Variants in ARMH3 observed in about 807,000 individuals in gnomAD.
ARMH3 encodes armadillo-like helical domain-containing protein 3.
A neutral mutation model predicts 99.1 loss-of-function variants in ARMH3; 60 were observed. The observed-to-expected ratio is 0.61, with a 90% CI of 0.49 to 0.75. The LOEUF is 0.75. Ranked by LOEUF, ARMH3 falls within the 30% of genes least tolerant of loss-of-function variation. ARMH3 has a pLI of 0.00. For synonymous variants in ARMH3, 285 were observed against 292.8 expected (o/e 0.97, Z 0.27); for missense variants, 679 against 843.1 (o/e 0.81, Z 2.41).
intron 24 of ARMH3, among the ~76,000 whole-genome samples, chr10:101,858,349 CTGTT>C (rs2066781741): frequency 6.6e-6 from 1 of 152,174 alleles, no homozygotes; most frequent in South Asian, 2.1e-4. Context: ...CTGGGTAAGC[CTGTT>C]TGTTCATCTT....
intron 23 of ARMH3, among the ~76,000 whole-genome samples, chr10:101,916,047 G>GC (rs1167293271): frequency 1.3e-5 from 2 of 152,014 alleles, no homozygotes; most frequent in Non-Finnish European, 2.9e-5. Context: ...CTCGTGATCC[G>GC]CCCGCCCCGG....
intron 15 of ARMH3, among the ~76,000 whole-genome samples, chr10:101,995,989 A>G (rs1847037612): frequency 6.6e-6 from 1 of 152,258 alleles, no homozygotes; most frequent in South Asian, 2.1e-4. Flanking sequence ...GCACTGAATA[A>G]AACAGACAAA....
chr10:102,048,950 A>G (rs905090882), intron 1 of ARMH3, among the ~76,000 whole-genome samples: 4 of 152,074 alleles, frequency 2.6e-5, no homozygotes, highest in African/African-American at 4.8e-5. Flanking sequence ...CAGTTTTTCT[A>G]TCTCCAAGCC....
At chr10:101,876,121 C>T (rs12257791) in intron 24 of ARMH3, among the ~76,000 whole-genome samples, 34,861 of 151,650 alleles carry the variant, frequency 0.23, 4,373 homozygotes, top group Non-Finnish European at 0.29. Flanking sequence ...TGGTGGCACG[C>T]GCCTGTAGTC....
chr10:101,948,820 C>G (rs187845333), intron 22 of ARMH3, among the ~76,000 whole-genome samples: 3 of 151,794 alleles, frequency 2.0e-5, no homozygotes, highest in Admixed American at 2.0e-4. Flanking sequence ...GACCATTTAC[C>G]AAGATAGACC....
chr10:102,044,429 G>T (rs945736095), intron 1 of ARMH3, among the ~76,000 whole-genome samples: 11 of 149,370 alleles, frequency 7.4e-5, no homozygotes, highest in Non-Finnish European at 8.9e-5. Context: ...TGGATGCAGT[G>T]ACATGATCTC....
intron 2 of ARMH3, among the ~76,000 whole-genome samples, chr10:102,037,056 T>C (rs2067295261): frequency 6.6e-6 from 1 of 150,440 alleles, no homozygotes; most frequent in African/African-American, 2.4e-5. Flanking sequence ...CACCTCAAAA[T>C]AAATAAATAA....
chr10:101,949,695 T>G (rs1280913888), intron 22 of ARMH3, among the ~76,000 whole-genome samples: 1 of 152,012 alleles, frequency 6.6e-6, no homozygotes, highest in African/African-American at 2.4e-5. Flanking sequence ...AGATGAGCAA[T>G]GAGAGAACAC....
chr10:101,967,737 G>C (rs143327501), intron 20 of ARMH3, among the ~76,000 whole-genome samples: 2 of 152,050 alleles, frequency 1.3e-5, no homozygotes, highest in African/African-American at 2.4e-5. Flanking sequence ...ACTCAGTCGT[G>C]GGGGGAGCAG....
intron 23 of ARMH3, among the ~76,000 whole-genome samples, chr10:101,895,505 T>C (rs1173596121): frequency 2.0e-5 from 3 of 152,114 alleles, no homozygotes; most frequent in African/African-American, 7.2e-5. Flanking sequence ...AGTCTCAATC[T>C]CCTGACCTCA....
In ARMH3 at chr10:102,006,646, C is replaced by T. The variant is rs2066495822; in HGVS notation, c.955-13G>A. The T allele has an allele frequency of 1.9e-6, 3 of 1,610,880 alleles. No individual in the cohort carries two copies. Among genetic ancestry groups the T allele is most frequent in the South Asian group, 2.2e-5 (2 of 90,994 alleles). On this transcript the variant is annotated splice_polypyrimidine_tract_variant and intron_variant, in intron 13 of 25. Transcript: ENST00000370033. ...TTTCTGGATGGCTCTGAAAAAGATACACAGATGTGTAAGAAAACAGAAAAT... is the reference window on the plus strand; with the variant it reads ...TTTCTGGATGGCTCTGAAAAAGATATACAGATGTGTAAGAAAACAGAAAAT...
intron 19 of ARMH3, among the ~76,000 whole-genome samples, chr10:101,978,360 T>C (rs1201125045): frequency 1.3e-5 from 2 of 152,172 alleles, no homozygotes; most frequent in Non-Finnish European, 2.9e-5. Context: ...GGGAAGTTAA[T>C]AGTAGAGAAA....
chr10:101,935,619 T>C (rs1284670085), intron 23 of ARMH3, among the ~76,000 whole-genome samples: 1 of 152,146 alleles, frequency 6.6e-6, no homozygotes, highest in African/African-American at 2.4e-5. Flanking sequence ...TTGGAGCTAT[T>C]GTCAACTGGC....
At chr10:102,052,071 C>A (rs2067720764) in intron 1 of ARMH3, among the ~76,000 whole-genome samples, 1 of 152,166 alleles carries the variant, frequency 6.6e-6, no homozygotes, top group Non-Finnish European at 1.5e-5. Context: ...TAAATTAATA[C>A]TTTCTCCTGC....
At chr10:101,849,936 C>T in intron 24 of ARMH3, 44 bp from the exon 25 acceptor site, 3 of 1,560,904 alleles carry the variant, frequency 1.9e-6, no homozygotes, top group Non-Finnish European at 2.6e-6. Flanking sequence ...CCATGCAAAT[C>T]CCACAACCCT....
In ARMH3 at chr10:101,915,957, C is replaced by T. The variant is rs536907799; in HGVS notation, c.1781+23906G>A. Among the ~76,000 whole-genome samples, 188 of 152,156 alleles carry T rather than the reference C, an allele frequency of 1.2e-3. 1 individual carries two copies. The highest frequency in any genetic ancestry group is 4.2e-3 in the African/African-American group (175 of 41,518). On this transcript the variant is annotated intron_variant, in intron 23 of 25. Coordinates refer to ENST00000370033, the MANE Select transcript of ARMH3 (RefSeq NM_024541.3). ...TAGCTGGAACTACAGGCGCCCACCA[C>T]GGCGCCTGGCTAATTTTTTTGTATT...
At chr10:101,880,145 G>A (rs1459651938) in intron 24 of ARMH3, among the ~76,000 whole-genome samples, 1 of 152,226 alleles carries the variant, frequency 6.6e-6, no homozygotes, top group African/African-American at 2.4e-5. Flanking sequence ...GGCAGTGAAA[G>A]ACTACAATAC....
At chr10:101,931,524 A>C (rs1267719007) in intron 23 of ARMH3, among the ~76,000 whole-genome samples, 1 of 145,218 alleles carries the variant, frequency 6.9e-6, no homozygotes, top group Non-Finnish European at 1.5e-5. Flanking sequence ...AAACTGTCAC[A>C]AAAAAAAAAA....
chr10:101,974,559 AT>A (rs1216958852), intron 20 of ARMH3, among the ~76,000 whole-genome samples: 9 of 152,212 alleles, frequency 5.9e-5, no homozygotes, highest in African/African-American at 2.2e-4. Flanking sequence ...GCAAGCCAGC[AT>A]TAATTGTACC....
Sources: gnomAD v4.1 joint callset for allele counts (sites outside exome capture counted in the v4.1 genomes callset) on GRCh38, gnomAD v4.1.1 for gene constraint, MANE v1.5 for transcripts, NCBI Gene and HGNC (gene_info 2026-07-23, HGNC 2026-07-21) for gene names.